Variants in KIF15 observed in about 807,000 individuals in gnomAD.
KIF15 encodes kinesin-like protein KIF15.
In KIF15, 140 loss-of-function variants were observed where a neutral mutation model predicts 190.6. The observed-to-expected ratio is 0.73, with a 90% CI of 0.64 to 0.84. The LOEUF is 0.84. Among genes scored for constraint, KIF15 ranks in the 40% least tolerant of loss-of-function variants. The pLI, the probability that KIF15 is intolerant of heterozygous loss-of-function variation, is 0.00. For missense variants in KIF15, 1,372 were observed against 1,584.4 expected, an observed-to-expected ratio of 0.87 and a Z score of 2.28; for synonymous variants, 528 against 551.3, an observed-to-expected ratio of 0.96 and a Z score of 0.59.
chr3:44,791,822 A>T (rs986115646), intron 7 of KIF15, among the ~76,000 whole-genome samples: 3 of 152,050 alleles, frequency 2.0e-5, no homozygotes, highest in Non-Finnish European at 2.9e-5. Flanking sequence ...GGTTCAAGAG[A>T]TTCTCCTGCC....
chr3:44,851,979 G>A, intron 33 of KIF15, 27 bp downstream of exon 33: 1 of 1,600,572 alleles, frequency 6.2e-7, no homozygotes, highest in Non-Finnish European at 8.5e-7. Context: ...GTGTTTTCAT[G>A]ATACTTAGAA....
At chr3:44,854,093 T>C (rs1049359063), downstream of KIF15, among the ~76,000 whole-genome samples, 4 of 152,058 alleles carry the variant, frequency 2.6e-5, no homozygotes, top group African/African-American at 7.2e-5. Flanking sequence ...TACTAAAAAA[T>C]GAACTATAGG....
chr3:44,863,890 A>G (rs575478650), intron 6 of KIF15: 7 of 367,228 alleles, frequency 1.9e-5, no homozygotes, highest in Non-Finnish European at 3.0e-5. Context: ...TGTGGGACCA[A>G]TAAGGGGCCG....
chr3:44,807,231 C>CT (rs1043851145), intron 16 of KIF15, among the ~76,000 whole-genome samples: 33 of 147,724 alleles, frequency 2.2e-4, no homozygotes, highest in African/African-American at 4.5e-4. Flanking sequence ...CCTTTCTTTT[C>CT]TTTTTTTTTT....
chr3:44,774,269 A>C, intron 1 of KIF15, 126 bp from the exon 2 acceptor site: 4 of 741,246 alleles, frequency 5.4e-6, no homozygotes, highest in South Asian at 5.2e-5. Context: ...GCTGTGGAGC[A>C]CAGCATTGTT....
chr3:44,771,624 A>T lies in KIF15; in HGVS notation c.20-2771A>T, dbSNP rs188264700. On this transcript the variant is annotated intron_variant, in intron 1 of 34. Transcript: ENST00000326047. ...TTGATTTTATGAAATAGAATTCCAG[A>T]TTACCGTAAGTTATTTATTTTGTCA... Among the ~76,000 whole-genome samples, 640 of 152,272 alleles carry T rather than the reference A, an allele frequency of 4.2e-3. 8 individuals carry two copies. Among genetic ancestry groups the T allele is most frequent in the Non-Finnish European group, 7.4e-3 (506 of 68,022 alleles).
chr3:44,778,607 G>A (rs1296241068), intron 4 of KIF15, among the ~76,000 whole-genome samples: 1 of 152,212 alleles, frequency 6.6e-6, no homozygotes, highest in Admixed American at 6.5e-5. Flanking sequence ...CAAGGTAGCA[G>A]GGATTACACT....
At chr3:44,772,277 A>G (rs1019437584) in intron 1 of KIF15, among the ~76,000 whole-genome samples, 9 of 152,232 alleles carry the variant, frequency 5.9e-5, no homozygotes, top group African/African-American at 1.7e-4. Flanking sequence ...GCTAGAAGAC[A>G]AAAACAGATT....
intron 11 of KIF15, among the ~76,000 whole-genome samples, chr3:44,800,785 A>G (rs1308550627): frequency 1.3e-5 from 2 of 152,226 alleles, no homozygotes; most frequent in African/African-American, 2.4e-5. Context: ...GAATTAATTA[A>G]CTGGAAATCC....
At chr3:44,776,240 CT>C (rs535104266) in intron 3 of KIF15, among the ~76,000 whole-genome samples, 1,849 of 144,864 alleles carry the variant, frequency 0.013, 23 homozygotes, top group African/African-American at 0.03. Context: ...CAAAAGCCTT[CT>C]TTTTTTTTTT....
intron 2 of KIF15, 75 bp from the exon 3 acceptor site, chr3:44,775,179 A>C: frequency 3.5e-6 from 4 of 1,141,480 alleles, no homozygotes; most frequent in Non-Finnish European, 5.2e-6. Flanking sequence ...CATTATAGGC[A>C]ATATGAGACT....
intron 18 of KIF15, 91 bp from the exon 19 acceptor site, chr3:44,812,984 C>CAA (rs199631947): frequency 6.5e-4 from 398 of 615,302 alleles, no homozygotes; most frequent in Middle Eastern, 9.2e-4. Flanking sequence ...GACTCTGTCT[C>CAA]AAAAAAAAAA....
intron 20 of KIF15, among the ~76,000 whole-genome samples, chr3:44,822,395 C>G (rs1299071152): frequency 6.6e-6 from 1 of 152,178 alleles, no homozygotes; most frequent in African/African-American, 2.4e-5. Context: ...ATGGGCTTCC[C>G]TTTGTGGGTA....
At chr3:44,804,585 A>G (rs1349001996) in intron 14 of KIF15, among the ~76,000 whole-genome samples, 1 of 152,208 alleles carries the variant, frequency 6.6e-6, no homozygotes, top group African/African-American at 2.4e-5. Flanking sequence ...CTAATGGGAA[A>G]GGTGTTGCCT....
intron 26 of KIF15, among the ~76,000 whole-genome samples, chr3:44,835,889 A>G (rs902779738): frequency 6.6e-6 from 1 of 152,238 alleles, no homozygotes; most frequent in East Asian, 1.9e-4. Flanking sequence ...TTCTGTACAA[A>G]TGATGACATC....
chr3:44,767,419 A>G lies in KIF15; in HGVS notation c.19+5535A>G, dbSNP rs1057118832. Among the ~76,000 whole-genome samples the G allele has an allele frequency of 2.6e-5, 4 of 152,348 alleles. No homozygotes were observed. In the East Asian group the frequency reaches 7.7e-4, roughly 29 times the overall value. ...TTGGATACGAAGAGTGAGAAAGAAC[A>G]GGGTCAGGGATGACTATATGGTTTT... On this transcript the variant is annotated intron_variant, in intron 1 of 34. Transcript: ENST00000326047.
At chr3:44,786,628 G>A in intron 7 of KIF15, 54 bp downstream of exon 7, 2 of 1,445,936 alleles carry the variant, frequency 1.4e-6, no homozygotes, top group Non-Finnish European at 1.9e-6. Flanking sequence ...TGCTGTGAAT[G>A]CACCCCAAAC....
intron 13 of KIF15, 59 bp from the exon 14 acceptor site, chr3:44,802,755 C>T (rs1258892452): frequency 6.9e-7 from 1 of 1,447,080 alleles, no homozygotes; most frequent in East Asian, 2.4e-5. Flanking sequence ...TTTAGAGGAA[C>T]TAATTCACTA....
At chr3:44,844,686 C>T (rs1488275911) in intron 30 of KIF15, among the ~76,000 whole-genome samples, 1 of 152,186 alleles carries the variant, frequency 6.6e-6, no homozygotes, top group East Asian at 1.9e-4. Context: ...CGAATAGCTA[C>T]AGAAGCTCTT....
Sources: gnomAD v4.1 joint callset for allele counts (sites outside exome capture counted in the v4.1 genomes callset) on GRCh38, gnomAD v4.1.1 for gene constraint, MANE v1.5 for transcripts, NCBI Gene and HGNC (gene_info 2026-07-23, HGNC 2026-07-21) for gene names.